Variants in GSG1 observed in about 807,000 individuals in gnomAD.
GSG1 encodes the protein germ cell associated 1.
Under a neutral mutation model 30.8 loss-of-function variants are expected in GSG1, and 28 were observed. The ratio of observed to expected loss-of-function variants is 0.91; its 90% CI spans 0.67 to 1.25. The LOEUF (loss-of-function observed/expected upper bound fraction) is 1.25. Ranked by LOEUF, GSG1 falls within the 50% of genes most tolerant of loss-of-function variation. The pLI, the probability that GSG1 is intolerant of heterozygous loss-of-function variation, is 0.00. For missense variants in GSG1, 435 were observed against 444.7 expected (o/e 0.98, Z 0.20); for synonymous variants, 162 against 178.0 (o/e 0.91, Z 0.71).
intron 1 of GSG1, among the ~76,000 whole-genome samples, chr12:13,097,039 G>A (rs779754178): frequency 5.1e-4 from 77 of 152,120 alleles, no homozygotes; most frequent in African/African-American, 1.8e-3. Context: ...GCAGTGAGCC[G>A]AGATTGTGCC....
At chr12:13,088,169 A>G in intron 4 of GSG1, 110 bp from the exon 5 acceptor site, 1 of 1,198,842 alleles carries the variant, frequency 8.3e-7, no homozygotes, top group Admixed American at 2.1e-5. Flanking sequence ...GCATCTGAGA[A>G]GGGGAGAATG....
At chr12:13,090,058 A>G (rs1401951759) in intron 2 of GSG1, among the ~76,000 whole-genome samples, 1 of 152,196 alleles carries the variant, frequency 6.6e-6, no homozygotes, top group African/African-American at 2.4e-5. Context: ...TCAAAAGAAA[A>G]AAGAAATGAA....
intron 3 of GSG1, 134 bp downstream of exon 3, chr12:13,089,069 CAGCCA>C: frequency 7.9e-7 from 1 of 1,273,798 alleles, no homozygotes; most frequent in South Asian, 1.4e-5. Context: ...ATGAATGGCA[CAGCCA>C]AGAGTCAGCC....
intron 1 of GSG1, among the ~76,000 whole-genome samples, chr12:13,099,764 T>TTTTTTTTTTTTTTTG (rs1863055863): frequency 6.8e-6 from 1 of 146,744 alleles, no homozygotes; most frequent in African/African-American, 2.6e-5. Context: ...TTTTTTTTTT[T>TTTTTTTTTTTTTTTG]TTTTGTTTTT....
At chr12:13,099,759 T>TGTTTTTG (rs1555128112) in intron 1 of GSG1, among the ~76,000 whole-genome samples, 9 of 144,798 alleles carry the variant, frequency 6.2e-5, no homozygotes, top group East Asian at 4.1e-4. Context: ...TGTTTTTTTT[T>TGTTTTTG]TTTTTTTTTG....
chr12:13,102,816 G>C (rs1863310635), intron 1 of GSG1, among the ~76,000 whole-genome samples: 1 of 152,248 alleles, frequency 6.6e-6, no homozygotes, highest in South Asian at 2.1e-4. Flanking sequence ...AAGTTGGGAG[G>C]CTGGTCGTTT....
At chr12:13,099,726 C>T (rs1029018414) in intron 1 of GSG1, among the ~76,000 whole-genome samples, 2 of 148,084 alleles carry the variant, frequency 1.4e-5, no homozygotes, top group Non-Finnish European at 3.0e-5. Context: ...AGGCCTGGGG[C>T]TAAGGGATCC....
intron 1 of GSG1, among the ~76,000 whole-genome samples, chr12:13,099,759 T>TTTTTTTTTTTTTTTTTTTG (rs1863045802): frequency 6.9e-6 from 1 of 144,706 alleles, no homozygotes; most frequent in Non-Finnish European, 1.5e-5. Context: ...TGTTTTTTTT[T>TTTTTTTTTTTTTTTTTTTG]TTTTTTTTTG....
intron 5 of GSG1, 102 bp downstream of exon 5, chr12:13,087,805 C>G: frequency 8.2e-7 from 1 of 1,216,744 alleles, no homozygotes; most frequent in Non-Finnish European, 1.1e-6. Context: ...CTTTAAAGAG[C>G]CTTTGGGCTC....
chr12:13,090,935 G>T, intron 1 of GSG1, 117 bp from the exon 2 acceptor site: 1 of 818,474 alleles, frequency 1.2e-6, no homozygotes, highest in Non-Finnish European at 1.9e-6. Flanking sequence ...ACTCCTCCAA[G>T]GCAGATAGGC....
chr12:13,086,866 G>A (rs1056008828), intron 6 of GSG1, among the ~76,000 whole-genome samples: 13 of 152,090 alleles, frequency 8.5e-5, no homozygotes, highest in Admixed American at 8.5e-4. Context: ...GTTTCCCCAG[G>A]GTGACAAATA....
intron 2 of GSG1, among the ~76,000 whole-genome samples, chr12:13,089,947 G>A (rs926463228): frequency 6.6e-6 from 1 of 152,170 alleles, no homozygotes; most frequent in Non-Finnish European, 1.5e-5. Flanking sequence ...TACTTGGGAG[G>A]CTGAGGCAAT....
At chr12:13,088,960 A>C (rs781034024) in intron 3 of GSG1, 51 bp from the exon 4 acceptor site, 1 of 1,598,626 alleles carries the variant, frequency 6.3e-7, no homozygotes, top group African/African-American at 1.3e-5. Flanking sequence ...GGATGGTTGG[A>C]ATGAAAACCT....
chr12:13,086,615 T>G (rs963699904), intron 6 of GSG1, among the ~76,000 whole-genome samples: 2 of 152,160 alleles, frequency 1.3e-5, no homozygotes. Context: ...GACTGACCCC[T>G]TAGTTCTTTA....
In GSG1 at chr12:13,095,639, C is replaced by T. The variant is rs189657759; in HGVS notation, c.49-4821G>A. The stretch of plus-strand genomic sequence containing the variant: ...CGTCTTGCAGCTTGTCTGGAAGAAC[C>T]GAAGGATGCCATCTGCACTCCAAGT... On this transcript the variant is annotated intron_variant, in intron 1 of 6. Coordinates refer to ENST00000651961, the MANE Select transcript of GSG1 (RefSeq NM_001080555.4). 38 of 1,614,130 alleles carry T rather than the reference C, an allele frequency of 2.4e-5. 1 individual carries two copies. The highest frequency in any genetic ancestry group is 2.0e-4 in the South Asian group (18 of 91,078).
rs771887535 is a variant in GSG1 at position 13,098,456 on chromosome 12, A to ATTTTTT, written c.48+5003_48+5008dup. On this transcript the variant is annotated intron_variant, in intron 1 of 6. Transcript: ENST00000651961. ...CTTGTAGGATTGTTTCATGTAGCCC[A>ATTTTTT]TTTTTTTTTTTTTTTTTTTTTTTTT... 3.8e-4 allele frequency among the ~76,000 whole-genome samples: 18 copies of ATTTTTT among 47,402 alleles called. 3 individuals are homozygous for ATTTTTT. Among genetic ancestry groups the ATTTTTT allele is most frequent in the Non-Finnish European group, 5.7e-4 (15 of 26,096 alleles). The allele number at this position is 47,402 out of a possible 152,430, so 31.1% of individuals were successfully genotyped here.
intron 1 of GSG1, among the ~76,000 whole-genome samples, chr12:13,096,896 T>C (rs1866704727): frequency 6.6e-6 from 1 of 152,086 alleles, no homozygotes; most frequent in Admixed American, 6.5e-5. Context: ...GAGACCAGCT[T>C]GGTCAACATA....
At chr12:13,087,629 G>C (rs1486389815) in intron 5 of GSG1, among the ~76,000 whole-genome samples, 4 of 152,206 alleles carry the variant, frequency 2.6e-5, no homozygotes, top group Non-Finnish European at 2.9e-5. Flanking sequence ...TTGAAAAGCT[G>C]TGTGTATGTC....
chr12:13,091,535 C>T (rs1338173630), intron 1 of GSG1, among the ~76,000 whole-genome samples: 2 of 152,162 alleles, frequency 1.3e-5, no homozygotes, highest in African/African-American at 4.8e-5. Flanking sequence ...GAGACCCTGT[C>T]TCTACGGAAA....
Sources: allele counts gnomAD v4.1 joint callset (sites outside exome capture counted in the v4.1 genomes callset), GRCh38; gene constraint gnomAD v4.1.1; transcripts MANE v1.5; gene names NCBI Gene and HGNC (gene_info 2026-07-23, HGNC 2026-07-21).